Variants in SAXO1 observed in about 807,000 individuals in gnomAD.
SAXO1 encodes stabilizer of axonemal microtubules 1, also known as 4930500O09Rik.
In SAXO1, 21 loss-of-function variants were observed where a neutral mutation model predicts 17.5. The ratio of observed to expected loss-of-function variants is 1.20; its 90% CI spans 0.85 to 1.72. The LOEUF is 1.72. Among genes scored for constraint, SAXO1 ranks in the 40% most tolerant of loss-of-function variants. The probability of loss-of-function intolerance (pLI) is 0.00; values close to 1 mark genes in which losing one functional copy is unlikely to be tolerated. For synonymous variants in SAXO1, 274 were observed against 216.5 expected (o/e 1.27, Z -2.33); for missense variants, 843 against 596.0 (o/e 1.41, Z -4.32).
At chr9:19,013,535 T>C (rs1834842003) in intron 1 of SAXO1, among the ~76,000 whole-genome samples, 1 of 142,306 alleles carries the variant, frequency 7.0e-6, no homozygotes, top group South Asian at 2.2e-4. Flanking sequence ...AAACTAAAAG[T>C]ACGGATTTTT....
At chr9:19,041,983 A>C (rs1433981379) in intron 1 of SAXO1, among the ~76,000 whole-genome samples, 1 of 152,218 alleles carries the variant, frequency 6.6e-6, no homozygotes, top group East Asian at 1.9e-4. Flanking sequence ...CAGCAATAGA[A>C]ACAATCAACA....
chr9:18,961,004 A>G (rs900244439), intron 1 of SAXO1, among the ~76,000 whole-genome samples: 2 of 152,176 alleles, frequency 1.3e-5, no homozygotes, highest in Admixed American at 6.5e-5. Flanking sequence ...AAATAGGCAC[A>G]TGATTTTGTC....
At position 18,962,033 on chromosome 9, in the gene SAXO1, A is replaced by G. The variant is rs1832507126; in HGVS notation, c.39-11096T>C. Among the ~76,000 whole-genome samples the G allele has an allele frequency of 1.3e-5, 2 of 152,002 alleles. 1 individual carries two copies. The highest frequency in any genetic ancestry group is 4.2e-4 in the South Asian group (2 of 4,818). On this transcript the variant is annotated intron_variant, in intron 1 of 3. Coordinates refer to ENST00000380534, the MANE Select transcript of SAXO1 (RefSeq NM_153707.4). ...TGATCACCATTCTGACTGGTGTGAG[A>G]TGGTATCTCATTGTGTGTGTACGGT...
intron 3 of SAXO1, among the ~76,000 whole-genome samples, chr9:18,933,358 C>G (rs1831138108): frequency 6.6e-6 from 1 of 151,794 alleles, no homozygotes; most frequent in Admixed American, 6.6e-5. Flanking sequence ...CAGAATAAAT[C>G]TCATAGTTTT....
intron 1 of SAXO1, among the ~76,000 whole-genome samples, chr9:19,042,699 C>T (rs1338760304): frequency 2.0e-5 from 3 of 152,126 alleles, no homozygotes; most frequent in Non-Finnish European, 4.4e-5. Flanking sequence ...CCCGTCCCTA[C>T]TAAGAATACA....
At chr9:18,933,786 C>A (rs1026390508) in intron 3 of SAXO1, among the ~76,000 whole-genome samples, 2 of 152,226 alleles carry the variant, frequency 1.3e-5, no homozygotes, top group Non-Finnish European at 2.9e-5. Context: ...GTGGCTCACG[C>A]CTGTAATCCC....
At chr9:19,028,490 C>T (rs1026226498) in intron 1 of SAXO1, among the ~76,000 whole-genome samples, 6 of 152,214 alleles carry the variant, frequency 3.9e-5, no homozygotes, top group African/African-American at 1.2e-4. Context: ...ATTAGAGTTA[C>T]TCTATTCAAA....
chr9:18,949,834 C>T (rs1162801354), intron 2 of SAXO1, among the ~76,000 whole-genome samples: 1 of 152,198 alleles, frequency 6.6e-6, no homozygotes, highest in Non-Finnish European at 1.5e-5. Flanking sequence ...GTCTGAGGCA[C>T]CGATGTGCAA....
chr9:19,035,794 G>A (rs1049712333), upstream of SAXO1, among the ~76,000 whole-genome samples: 17 of 152,274 alleles, frequency 1.1e-4, no homozygotes, highest in South Asian at 2.3e-3. Context: ...ATTTTGCCCT[G>A]TCCTAGAGAT....
chr9:19,029,905 T>A (rs1835678839), intron 1 of SAXO1, among the ~76,000 whole-genome samples: 3 of 152,238 alleles, frequency 2.0e-5, no homozygotes, highest in Admixed American at 2.0e-4. Flanking sequence ...CGCCATCCAT[T>A]CATTCAAAAA....
intron 1 of SAXO1, among the ~76,000 whole-genome samples, chr9:19,020,046 C>T (rs1016472548): frequency 4.1e-5 from 6 of 148,048 alleles, no homozygotes; most frequent in African/African-American, 9.9e-5. Flanking sequence ...AAAGTGTCCA[C>T]GTGGAAAGCA....
intron 1 of SAXO1, among the ~76,000 whole-genome samples, chr9:18,956,270 T>A (rs1832256232): frequency 6.6e-6 from 1 of 151,814 alleles, no homozygotes; most frequent in Admixed American, 6.6e-5. Flanking sequence ...TGTTAAGAAT[T>A]TTCATGGCTG....
At chr9:19,002,395 G>A (rs1186688440) in intron 1 of SAXO1, among the ~76,000 whole-genome samples, 2 of 152,202 alleles carry the variant, frequency 1.3e-5, no homozygotes, top group Non-Finnish European at 2.9e-5. Context: ...CTCTTTCTAT[G>A]AGGCCAGCAT....
At chr9:19,008,917 T>C (rs576047563) in intron 1 of SAXO1, among the ~76,000 whole-genome samples, 3 of 152,326 alleles carry the variant, frequency 2.0e-5, no homozygotes, top group African/African-American at 7.2e-5. Flanking sequence ...GGAAAGCTGA[T>C]CACAGCACCG....
chr9:18,937,839 T>C (rs1279850048), intron 3 of SAXO1, among the ~76,000 whole-genome samples: 1 of 152,180 alleles, frequency 6.6e-6, no homozygotes, highest in Non-Finnish European at 1.5e-5. Context: ...AAATGTCTTA[T>C]TTATAAATTA....
At chr9:18,989,385 C>CTTTTTTTT (rs1488549412) in intron 1 of SAXO1, among the ~76,000 whole-genome samples, 4 of 152,068 alleles carry the variant, frequency 2.6e-5, no homozygotes, top group Non-Finnish European at 5.9e-5. Flanking sequence ...TTATAAAAAG[C>CTTTTTTTT]TTTGAAATTT....
chr9:19,048,194 G>T (rs1483416146), intron 1 of SAXO1, among the ~76,000 whole-genome samples: 7 of 152,218 alleles, frequency 4.6e-5, no homozygotes, highest in Non-Finnish European at 8.8e-5. Context: ...GGCCAGGCAC[G>T]GTGGCTCACG....
At chr9:18,933,120 A>T (rs1018450349) in intron 3 of SAXO1, among the ~76,000 whole-genome samples, 3 of 152,230 alleles carry the variant, frequency 2.0e-5, no homozygotes, top group African/African-American at 7.2e-5. Context: ...CTTAGGGGGA[A>T]GCCATTTAGT....
intron 3 of SAXO1, among the ~76,000 whole-genome samples, chr9:18,939,804 T>G (rs1006035031): frequency 6.6e-6 from 1 of 152,208 alleles, no homozygotes; most frequent in Non-Finnish European, 1.5e-5. Context: ...TATCGTTTGA[T>G]AAAATGATAT....
Sources: allele counts gnomAD v4.1 joint callset (sites outside exome capture counted in the v4.1 genomes callset), GRCh38; gene constraint gnomAD v4.1.1; transcripts MANE v1.5; gene names NCBI Gene and HGNC (gene_info 2026-07-23, HGNC 2026-07-21).